Variants in SNTG2 observed in about 807,000 individuals in gnomAD.
SNTG2 encodes the protein gamma-2-syntrophin.
A neutral mutation model predicts 70.9 loss-of-function variants in SNTG2; 74 were observed. The ratio of observed to expected loss-of-function variants is 1.04; its 90% CI spans 0.86 to 1.27. The LOEUF is 1.27. SNTG2 is among the 50% of genes most tolerant of loss of function. The pLI is 0.00. For missense variants in SNTG2, 717 were observed against 690.7 expected (o/e 1.04, Z -0.43); for synonymous variants, 278 against 273.8 (o/e 1.02, Z -0.15).
chr2:1,061,926 GA>G (rs1256902353), intron 1 of SNTG2, among the ~76,000 whole-genome samples: 1 of 151,874 alleles, frequency 6.6e-6, no homozygotes, highest in Non-Finnish European at 1.5e-5. Context: ...AATTACTAAA[GA>G]AAAAATGAAT....
intron 9 of SNTG2, among the ~76,000 whole-genome samples, chr2:1,211,132 A>C (rs1001461126): frequency 6.6e-6 from 1 of 152,232 alleles, no homozygotes; most frequent in African/African-American, 2.4e-5. Flanking sequence ...AGAATGTTTT[A>C]ACAGTTCGTG....
chr2:1,240,907 T>C (rs993627702), intron 11 of SNTG2, among the ~76,000 whole-genome samples: 6 of 152,204 alleles, frequency 3.9e-5, no homozygotes, highest in African/African-American at 1.4e-4. Context: ...ATAGGATTCA[T>C]TTCATATTCT....
chr2:1,262,711 CGGAAGG>C (rs1678493237), intron 13 of SNTG2: 1 of 99,412 alleles, frequency 1.0e-5, no homozygotes, highest in Non-Finnish European at 2.7e-5. Context: ...ACGAGGCAAC[CGGAAGG>C]CTCCGTCCAG....
At chr2:1,094,862 TG>T (rs1665278906) in intron 2 of SNTG2, among the ~76,000 whole-genome samples, 1 of 76,826 alleles carries the variant, frequency 1.3e-5, no homozygotes, top group African/African-American at 6.7e-5. Context: ...GCTGGCTTCC[TG>T]GGCTGCAGGC....
intron 4 of SNTG2, among the ~76,000 whole-genome samples, chr2:1,123,562 T>C (rs1255593929): frequency 6.6e-6 from 1 of 152,130 alleles, no homozygotes; most frequent in African/African-American, 2.4e-5. Flanking sequence ...CTACCAAAAA[T>C]GGATGAAAGT....
At chr2:1,066,176 A>G (rs1663135558) in intron 1 of SNTG2, among the ~76,000 whole-genome samples, 1 of 152,186 alleles carries the variant, frequency 6.6e-6, no homozygotes, top group Non-Finnish European at 1.5e-5. Flanking sequence ...ATGCTTCAGA[A>G]TTTGACGAAC....
intron 2 of SNTG2, among the ~76,000 whole-genome samples, chr2:1,083,952 A>T (rs1664513578): frequency 6.6e-6 from 1 of 152,082 alleles, no homozygotes; most frequent in African/African-American, 2.4e-5. Context: ...GAGGCAGGGG[A>T]ATCACTTGAA....
intron 9 of SNTG2, among the ~76,000 whole-genome samples, chr2:1,227,502 G>A (rs572450105): frequency 2.6e-5 from 4 of 152,328 alleles, no homozygotes; most frequent in African/African-American, 9.6e-5. Context: ...TGGTGTGGGA[G>A]GGAGAGTCAC....
chr2:958,703 A>G (rs1010265225), intron 1 of SNTG2, among the ~76,000 whole-genome samples: 3 of 152,154 alleles, frequency 2.0e-5, no homozygotes, highest in Admixed American at 6.5e-5. Flanking sequence ...TTTTTTTTAA[A>G]GTGGTTCATT....
intron 1 of SNTG2, among the ~76,000 whole-genome samples, chr2:957,441 T>C (rs926034883): frequency 6.6e-6 from 1 of 152,098 alleles, no homozygotes; most frequent in Non-Finnish European, 1.5e-5. Context: ...TGCTTTATCA[T>C]GATGCACCTT....
At chr2:1,238,314 A>T (rs537264470) in intron 10 of SNTG2, among the ~76,000 whole-genome samples, 30 of 152,130 alleles carry the variant, frequency 2.0e-4, no homozygotes, top group African/African-American at 6.0e-4. Context: ...CCACACACAT[A>T]TACAGAAATA....
At chr2:1,346,496 G>C (rs142242838) in intron 16 of SNTG2, 1 of 152,238 alleles carries the variant, frequency 6.6e-6, no homozygotes. Context: ...CTCCAGTGCC[G>C]AATTCCAGGG....
chr2:1,311,476 A>G (rs1316874993), intron 15 of SNTG2, among the ~76,000 whole-genome samples: 3 of 152,260 alleles, frequency 2.0e-5, no homozygotes, highest in African/African-American at 7.2e-5. Flanking sequence ...TTAACTGTGA[A>G]GGATAAACCA....
chr2:1,174,220 C>T (rs1044867655), intron 8 of SNTG2, among the ~76,000 whole-genome samples: 4 of 152,072 alleles, frequency 2.6e-5, no homozygotes, highest in Admixed American at 2.0e-4. Context: ...CATTTTCTGG[C>T]CTGCCCAGAG....
intron 14 of SNTG2, among the ~76,000 whole-genome samples, chr2:1,274,838 A>C (rs1348708208): frequency 6.6e-6 from 1 of 152,188 alleles, no homozygotes; most frequent in Non-Finnish European, 1.5e-5. Flanking sequence ...GGAGAGTCTT[A>C]GTTTATTTAG....
intron 4 of SNTG2, 21 bp from the exon 5 acceptor site, chr2:1,137,601 G>A (rs1668477581): frequency 6.2e-7 from 1 of 1,610,730 alleles, no homozygotes; most frequent in South Asian, 1.1e-5. Context: ...TAAAACTGTT[G>A]CCACTTTTGC....
chr2:1,206,419 G>C (rs556917706), intron 8 of SNTG2, among the ~76,000 whole-genome samples: 2 of 152,138 alleles, frequency 1.3e-5, no homozygotes, highest in Non-Finnish European at 2.9e-5. Flanking sequence ...TGGGTGTGCT[G>C]GGGCAGCTGG....
intron 1 of SNTG2, among the ~76,000 whole-genome samples, chr2:960,140 AG>A (rs1386584044): frequency 6.6e-6 from 1 of 152,064 alleles, no homozygotes; most frequent in Non-Finnish European, 1.5e-5. Flanking sequence ...TTCCCGTAGG[AG>A]GGGGCTCTGT....
intron 8 of SNTG2, among the ~76,000 whole-genome samples, chr2:1,189,234 A>G (rs67002609): frequency 0.32 from 47,925 of 152,074 alleles, 8,137 homozygotes; most frequent in East Asian, 0.65. Flanking sequence ...CTTTATAAAA[A>G]TATGAAATGG....
Sources: allele counts gnomAD v4.1 joint callset (sites outside exome capture counted in the v4.1 genomes callset), GRCh38; gene constraint gnomAD v4.1.1; transcripts MANE v1.5; gene names NCBI Gene and HGNC (gene_info 2026-07-23, HGNC 2026-07-21).